SLC35F1: variants seen among roughly 807,000 people sequenced by gnomAD.
SLC35F1 encodes chromosome 6 open reading frame 169.
In SLC35F1, 14 loss-of-function variants were observed where a neutral mutation model predicts 48.7. The observed-to-expected ratio is 0.29, with a 90% CI of 0.19 to 0.45. SLC35F1 has a LOEUF of 0.45. SLC35F1 is among the 20% of genes least tolerant of loss of function. The pLI is 1.00. For synonymous variants in SLC35F1, 190 were observed against 202.2 expected (o/e 0.94, Z 0.51); for missense variants, 404 against 500.0 (o/e 0.81, Z 1.83).
chr6:117,953,671 A>G (rs990904392), intron 1 of SLC35F1, among the ~76,000 whole-genome samples: 1 of 152,242 alleles, frequency 6.6e-6, no homozygotes, highest in African/African-American at 2.4e-5. Context: ...AGGCCAAAGA[A>G]GCAGACATTT....
At chr6:118,275,310 A>T in intron 4 of SLC35F1, 149 bp from the exon 5 acceptor site, 1 of 848,294 alleles carries the variant, frequency 1.2e-6, no homozygotes, top group South Asian at 1.9e-5. Context: ...GCACAGATAA[A>T]CTTTACTAAA....
chr6:118,213,481 G>T (rs552950041), intron 2 of SLC35F1, among the ~76,000 whole-genome samples: 22 of 152,302 alleles, frequency 1.4e-4, no homozygotes, highest in Middle Eastern at 6.8e-3. Flanking sequence ...CTATGGACCA[G>T]TATATTTGGG....
chr6:118,017,485 C>T (rs1777337832), intron 1 of SLC35F1, among the ~76,000 whole-genome samples: 1 of 152,164 alleles, frequency 6.6e-6, no homozygotes, highest in Admixed American at 6.5e-5. Context: ...CTTGGGCTAC[C>T]ATTCTTCAGT....
At chr6:117,908,626 G>T (rs1010860595) in intron 1 of SLC35F1, among the ~76,000 whole-genome samples, 1 of 152,248 alleles carries the variant, frequency 6.6e-6, no homozygotes, top group African/African-American at 2.4e-5. Flanking sequence ...TGGAATCTGC[G>T]TAGTGGATTC....
At chr6:117,987,979 TG>T (rs1487897849) in intron 1 of SLC35F1, among the ~76,000 whole-genome samples, 5 of 152,120 alleles carry the variant, frequency 3.3e-5, no homozygotes, top group African/African-American at 1.2e-4. Flanking sequence ...CCAACAGCGG[TG>T]GGCCATTCAT....
rs1209697714 is a variant in SLC35F1, at chr6:118,056,690, C to T, written c.174-97755C>T. 3.3e-5 allele frequency among the ~76,000 whole-genome samples: 5 copies of T among 152,052 alleles called. No homozygotes were observed. In the East Asian group the frequency reaches 9.6e-4, roughly 29 times the overall value. On this transcript the variant is annotated intron_variant, in intron 1 of 7. Transcript: ENST00000360388. ...ACCTTGTATTCTAGTTCGGTGAACC[C>T]AAGAATAGTGTGTATTCGAGTGTGG...
At chr6:118,025,200 C>A (rs79629448) in intron 1 of SLC35F1, among the ~76,000 whole-genome samples, 2,349 of 152,174 alleles carry the variant, frequency 0.015, 59 homozygotes, top group East Asian at 0.07. Context: ...TCCTTAGGCC[C>A]CTCTTGGCTG....
chr6:118,200,909 G>A (rs7767418), intron 2 of SLC35F1, among the ~76,000 whole-genome samples: 2 of 151,556 alleles, frequency 1.3e-5, no homozygotes, highest in African/African-American at 2.4e-5. Context: ...TTTTAGAGAC[G>A]GAGTCTCACT....
intron 1 of SLC35F1, among the ~76,000 whole-genome samples, chr6:118,093,609 C>T (rs1773108239): frequency 6.6e-6 from 1 of 152,236 alleles, no homozygotes; most frequent in Non-Finnish European, 1.5e-5. Context: ...CCTTTGCCTT[C>T]TGCTGTGATT....
chr6:118,275,592 A>G lies in SLC35F1; in HGVS notation c.771A>G (p.Gly257=), dbSNP rs1182182813. The part of the protein sequence containing the change: ...VEFLGMIGLF[G]AFFSGIQLAI... ...TCCTGGGAATGATTGGTCTCTTTGGAGCATTTTTCAGTGGAATTCAATTGT... is the reference window on the plus strand; with the variant it reads ...TCCTGGGAATGATTGGTCTCTTTGGGGCATTTTTCAGTGGAATTCAATTGT... Residue 257 remains glycine (G), a synonymous_variant, in exon 5 of 8, where the codon GGA becomes GGG. Transcript: ENST00000360388. 1.9e-6 allele frequency: 3 copies of G among 1,613,766 alleles called. No homozygotes were observed. Among genetic ancestry groups the G allele is most frequent in the Non-Finnish European group, 2.5e-6 (3 of 1,179,894 alleles).
chr6:117,996,962 G>A (rs1033824636), intron 1 of SLC35F1, among the ~76,000 whole-genome samples: 8 of 152,264 alleles, frequency 5.3e-5, no homozygotes, highest in Non-Finnish European at 8.8e-5. Flanking sequence ...GGCTTCAGAC[G>A]ATCAAACTAC....
At position 117,907,706 on chromosome 6, in the gene SLC35F1, C is replaced by G. The variant is rs901783200; in HGVS notation, c.-21C>G. On this transcript the variant is annotated 5_prime_UTR_variant, in exon 1 of 8. Transcript: ENST00000360388. The stretch of plus-strand genomic sequence containing the variant: ...CACCCGGCTGCGTTCTGATCGCCGC[C>G]GCGCCTCAGCCTCTGCCGCGATGAT... 1.4e-6 allele frequency: 2 copies of G among 1,448,230 alleles called. No individual in the cohort carries two copies. The highest frequency in any genetic ancestry group is 2.9e-5 in the African/African-American group (2 of 68,128). 89.7% of individuals were successfully genotyped at this position (1,448,230 alleles called of 1,614,324 possible).
At chr6:118,014,248 T>C (rs2114878883) in intron 1 of SLC35F1, among the ~76,000 whole-genome samples, 1 of 152,344 alleles carries the variant, frequency 6.6e-6, no homozygotes, top group South Asian at 2.1e-4. Flanking sequence ...AACCTACTAC[T>C]ATAAAGATCT....
intron 1 of SLC35F1, among the ~76,000 whole-genome samples, chr6:118,021,871 G>T (rs967014947): frequency 6.6e-6 from 1 of 152,184 alleles, no homozygotes; most frequent in Non-Finnish European, 1.5e-5. Flanking sequence ...TCTCTTCCAT[G>T]TGTGGAATTT....
rs570451739 is a variant in SLC35F1, at chr6:118,140,512, C to T, written c.174-13933C>T. On this transcript the variant is annotated intron_variant, in intron 1 of 7. Coordinates refer to ENST00000360388, the MANE Select transcript of SLC35F1 (RefSeq NM_001029858.4). The stretch of plus-strand genomic sequence containing the variant: ...CAGTAATACTTGTACTATATAATTA[C>T]GTATTATAATACTTGATAGTAAACA... Among the ~76,000 whole-genome samples the T allele has an allele frequency of 7.2e-5, 11 of 151,926 alleles. No individual in the cohort carries two copies. In the East Asian group the frequency reaches 9.6e-4, roughly 13 times the overall value.
rs71554895 is a variant in SLC35F1 at position 118,256,205 on chromosome 6, GGTGTGTGTGTGTGTGT to G, written c.478-10756_478-10741del. ...GCCTGTCAGCTTAAAGAAGACTTCT[GGTGTGTGTGTGTGTGT>G]GTGTGTGTGTGTGTGTGTGTGTGTG... is the stretch of plus-strand genomic sequence containing the variant. On this transcript the variant is annotated intron_variant, in intron 3 of 7. Transcript: ENST00000360388. 1.8e-4 allele frequency among the ~76,000 whole-genome samples: 26 copies of G among 143,218 alleles called. No homozygotes were observed. In the East Asian group the frequency reaches 2.1e-3, roughly 12 times the overall value. The allele number at this position is 143,218 out of a possible 152,430, so 94.0% of individuals were successfully genotyped here. A position where few individuals can be genotyped will look rare whatever the true frequency, so the allele number is the denominator to read the frequency against.
intron 3 of SLC35F1, among the ~76,000 whole-genome samples, chr6:118,242,013 T>A (rs938535539): frequency 6.6e-6 from 1 of 152,246 alleles, no homozygotes; most frequent in Non-Finnish European, 1.5e-5. Flanking sequence ...TAGGCTTTTA[T>A]AAGTAAAGCT....
At chr6:118,031,871 G>A (rs959164297) in intron 1 of SLC35F1, among the ~76,000 whole-genome samples, 37 of 152,120 alleles carry the variant, frequency 2.4e-4, no homozygotes, top group Admixed American at 1.2e-3. Flanking sequence ...AGGTGTTGCC[G>A]TGGCAATGGT....
intron 1 of SLC35F1, among the ~76,000 whole-genome samples, chr6:118,067,116 C>T (rs1432938055): frequency 6.6e-6 from 1 of 152,006 alleles, no homozygotes; most frequent in East Asian, 1.9e-4. Flanking sequence ...ACAATTTGTG[C>T]ACAATTATTT....
Sources: gnomAD v4.1 joint callset for allele counts (sites outside exome capture counted in the v4.1 genomes callset) on GRCh38, gnomAD v4.1.1 for gene constraint, MANE v1.5 for transcripts, NCBI Gene and HGNC (gene_info 2026-07-23, HGNC 2026-07-21) for gene names.